TRIM37: variants seen among roughly 807,000 people sequenced by gnomAD.
TRIM37 encodes E3 ubiquitin-protein ligase TRIM37.
Under a neutral mutation model 129.8 loss-of-function variants are expected in TRIM37, and 80 were observed. That is an observed-to-expected ratio of 0.62 (90% CI 0.51 to 0.74). The LOEUF is 0.74. TRIM37 is among the 30% of genes least tolerant of loss of function. The pLI is 0.00. For synonymous variants in TRIM37, 389 were observed against 387.1 expected (o/e 1.00, Z -0.06); for missense variants, 1,054 against 1,176.5 (o/e 0.90, Z 1.52).
At chr17:59,076,183 G>GT (rs1376325647) in intron 7 of TRIM37, among the ~76,000 whole-genome samples, 2 of 151,848 alleles carry the variant, frequency 1.3e-5, no homozygotes, top group Non-Finnish European at 2.9e-5. Context: ...ACAAGGACCT[G>GT]TTTAAAAAAA....
intron 10 of TRIM37, among the ~76,000 whole-genome samples, chr17:59,063,713 T>G (rs2041694346): frequency 1.3e-5 from 2 of 152,218 alleles, no homozygotes; most frequent in African/African-American, 4.8e-5. Context: ...TCCACAATTC[T>G]TCACTTTGAG....
At chr17:59,042,430 TTAAAAAAAAAAAA>T (rs1455496881) in intron 16 of TRIM37, among the ~76,000 whole-genome samples, 37 of 92,110 alleles carry the variant, frequency 4.0e-4, no homozygotes, top group African/African-American at 9.3e-4. Flanking sequence ...AAAAAGGAAT[TTAAAAAAAAAAAA>T]AAAAAAATAT....
In TRIM37 at chr17:59,042,448, A is replaced by AT. The variant is rs2039337174; in HGVS notation, c.1668-551_1668-550insA. ...AAGGAATTTAAAAAAAAAAAAAAAA[A>AT]AATATATATATATATATATATATAT... On this transcript the variant is annotated intron_variant, in intron 16 of 23. Coordinates refer to ENST00000262294, the MANE Select transcript of TRIM37 (RefSeq NM_015294.6). Among the ~76,000 whole-genome samples, 197 of 45,100 alleles carry AT rather than the reference A, an allele frequency of 4.4e-3. 1 individual carries two copies. The highest frequency in any genetic ancestry group is 0.042 in the East Asian group (31 of 738). The allele number at this position is 45,100 out of a possible 152,430, so 29.6% of individuals were successfully genotyped here.
chr17:59,056,815 T>C, intron 13 of TRIM37, 60 bp downstream of exon 13: 2 of 1,355,308 alleles, frequency 1.5e-6, no homozygotes, highest in South Asian at 1.2e-5. Flanking sequence ...CTTTGAAATA[T>C]AGTTCTGATG....
rs186348938 is a variant in TRIM37, at chr17:59,084,128, T to C, written c.282-39A>G. 5.5e-5 allele frequency: 84 copies of C among 1,521,612 alleles called. 1 individual carries two copies. The East Asian group carries it at 1.8e-3, about 32-fold the overall frequency. The allele number at this position is 1,521,612 out of a possible 1,614,324, so 94.3% of individuals were successfully genotyped here. A position where few individuals can be genotyped will look rare whatever the true frequency, so the allele number is the denominator to read the frequency against. On this transcript the variant is annotated intron_variant, in intron 4 of 23. Coordinates refer to ENST00000262294, the MANE Select transcript of TRIM37 (RefSeq NM_015294.6). ...AAAGAAAATGAAGTTATAAATTAAA[T>C]TGGAACATAATCACCTCCACAAATT...
intron 11 of TRIM37, among the ~76,000 whole-genome samples, chr17:59,061,713 CTA>C (rs2041510729): frequency 6.6e-6 from 1 of 151,984 alleles, no homozygotes; most frequent in South Asian, 2.1e-4. Flanking sequence ...CTTCAGGTGT[CTA>C]TGTTTTAAAA....
chr17:59,042,430 TTAAAAAAAAA>T lies in TRIM37; in HGVS notation c.1668-542_1668-533del, dbSNP rs1383813980. Among the ~76,000 whole-genome samples, 69 of 92,088 alleles carry T rather than the reference TTAAAAAAAAA, an allele frequency of 7.5e-4. 2 individuals are homozygous for T. Among genetic ancestry groups the T allele is most frequent in the African/African-American group, 2.0e-3 (37 of 18,274 alleles). 60.4% of individuals were successfully genotyped at this position (92,088 alleles called of 152,430 possible). A position where few individuals can be genotyped will look rare whatever the true frequency, so the allele number is the denominator to read the frequency against. ...TTAGAAAGCTAAGAAAAAAAGGAATTTAAAAAAAAAAAAAAAAAAATATATATATATATAT... is the reference window on the plus strand; with the variant it reads ...TTAGAAAGCTAAGAAAAAAAGGAATTAAAAAAAAAATATATATATATATAT... On this transcript the variant is annotated intron_variant, in intron 16 of 23. Transcript: ENST00000262294.
chr17:59,051,763 C>T (rs2040369947), intron 13 of TRIM37, among the ~76,000 whole-genome samples: 3 of 151,420 alleles, frequency 2.0e-5, no homozygotes, highest in Admixed American at 6.6e-5. Flanking sequence ...CGGAGTCTCG[C>T]TCTGTCGCCC....
Position 59,066,491 on chromosome 17 carries a change from G to A in TRIM37, c.810-2086C>T, listed in dbSNP as rs1256319170. 2.6e-5 allele frequency among the ~76,000 whole-genome samples: 4 copies of A among 152,238 alleles called. No individual in the cohort carries two copies. The East Asian group carries it at 7.7e-4, about 29-fold the overall frequency. On this transcript the variant is annotated intron_variant, in intron 9 of 23. Coordinates refer to ENST00000262294, the MANE Select transcript of TRIM37 (RefSeq NM_015294.6). ...GGCCATTAAGGGTCAAAAGACTTCAGCAGAACCCAAATTAAACAACAAGAG... is the reference window on the plus strand; with the variant it reads ...GGCCATTAAGGGTCAAAAGACTTCAACAGAACCCAAATTAAACAACAAGAG...
intron 9 of TRIM37, among the ~76,000 whole-genome samples, chr17:59,069,719 A>T (rs930123440): frequency 2.0e-5 from 3 of 152,096 alleles, no homozygotes; most frequent in Non-Finnish European, 4.4e-5. Flanking sequence ...TAAAGCCCTA[A>T]CCCCCAATGT....
At position 59,081,275 on chromosome 17, in the gene TRIM37, T is replaced by C; in HGVS notation, c.370-56A>G. On this transcript the variant is annotated intron_variant, in intron 5 of 23. Transcript: ENST00000262294. Reference sequence around the variant, plus strand: ...TTCACATATCTCATCTGCATTTACATTCCTTTGTAACACTCTATGGACACT... The same window carrying C: ...TTCACATATCTCATCTGCATTTACACTCCTTTGTAACACTCTATGGACACT... The C allele has an allele frequency of 3.8e-6, 6 of 1,592,550 alleles. No individual in the cohort carries two copies. The South Asian group carries it at 5.5e-5, about 15-fold the overall frequency.
intron 22 of TRIM37, among the ~76,000 whole-genome samples, chr17:59,003,489 A>T (rs1050256134): frequency 2.6e-5 from 4 of 152,146 alleles, no homozygotes; most frequent in African/African-American, 9.7e-5. Context: ...TTTTCCACTG[A>T]AAGTAGCAAT....
intron 24 of TRIM37, among the ~76,000 whole-genome samples, chr17:58,988,427 C>A (rs951429537): frequency 6.6e-6 from 1 of 152,000 alleles, no homozygotes. Context: ...ATACTGTTGC[C>A]GTCTGGACAC....
At chr17:59,014,212 GTAGTTTTGGTA>G (rs2035630781) in intron 21 of TRIM37, among the ~76,000 whole-genome samples, 1 of 152,184 alleles carries the variant, frequency 6.6e-6, no homozygotes, top group Non-Finnish European at 1.5e-5. Context: ...AGCTGATCTT[GTAGTTTTGGTA>G]ATGAGCCAGA....
chr17:59,069,049 C>T (rs1190584531), intron 9 of TRIM37, among the ~76,000 whole-genome samples: 1 of 152,050 alleles, frequency 6.6e-6, no homozygotes, highest in Non-Finnish European at 1.5e-5. Flanking sequence ...ATGATATACT[C>T]TAGTACAATG....
intron 3 of TRIM37, among the ~76,000 whole-genome samples, chr17:59,090,485 A>C (rs1197081790): frequency 6.6e-6 from 1 of 152,202 alleles, no homozygotes; most frequent in Non-Finnish European, 1.5e-5. Flanking sequence ...TACCAAACCC[A>C]ACAATTTCTT....
At chr17:59,026,082 A>C (rs988721314) in intron 19 of TRIM37, among the ~76,000 whole-genome samples, 3 of 152,158 alleles carry the variant, frequency 2.0e-5, no homozygotes, top group Non-Finnish European at 4.4e-5. Context: ...TTAATAAACA[A>C]CACACACAAA....
At chr17:58,980,312 G>C (rs369815595), downstream of TRIM37, 68 of 1,614,028 alleles carry the variant, frequency 4.2e-5, no homozygotes, top group African/African-American at 6.7e-5. The surrounding 1 kb of genome is among the most constrained non-coding windows in gnomAD (Gnocchi z 4.7). Context: ...AGATGGTGGG[G>C]ATGATAAGGA....
At chr17:59,088,082 G>A in intron 4 of TRIM37, 1 of 611,538 alleles carries the variant, frequency 1.6e-6, no homozygotes. Flanking sequence ...AGAGGTATCT[G>A]TGTATACATG....
Sources: allele counts gnomAD v4.1 joint callset (sites outside exome capture counted in the v4.1 genomes callset), GRCh38; gene constraint gnomAD v4.1.1; non-coding constraint Gnocchi (gnomAD v3.1); transcripts MANE v1.5; gene names NCBI Gene and HGNC (gene_info 2026-07-23, HGNC 2026-07-21).